The following SORBS2 variants were observed in gnomAD, a reference collection of about 807,000 sequenced individuals.
SORBS2 encodes the protein sorbin and SH3 domain containing 2.
Under a neutral mutation model 97.7 loss-of-function variants are expected in SORBS2, and 46 were observed. The ratio of observed to expected loss-of-function variants is 0.47; its 90% confidence interval spans 0.37 to 0.60. The LOEUF (loss-of-function observed/expected upper bound fraction) is 0.60, where lower values mean the gene tolerates loss of function less well. SORBS2 is among the 20% of genes least tolerant of loss of function. The pLI, the probability that SORBS2 is intolerant of heterozygous loss-of-function variation, is 0.00. For missense variants in SORBS2, 1,316 were observed against 1,282.3 expected, an observed-to-expected ratio of 1.03 and a Z score of -0.40; for synonymous variants, 476 against 473.4, an observed-to-expected ratio of 1.01 and a Z score of -0.07.
rs750023282 is a variant in SORBS2, at chr4:185,624,439, G to A, written c.690C>T (p.Gly230=). Residue 230 remains glycine, a synonymous_variant, in exon 7 of 15, where the codon GGC becomes GGT. Transcript: ENST00000418609. ...AGTAATCTAACTCACTGGAGGGGTT[G>A]CCGTTGAGCCCTGAGTAACTGCAAA... 3 of 1,613,914 alleles carry A rather than the reference G, an allele frequency of 1.9e-6. No individual in the cohort carries two copies. Among genetic ancestry groups the A allele is most frequent in the Admixed American group, 3.3e-5 (2 of 60,008 alleles).
chr4:185,586,503 T>C (rs1446558328), exon 15 of SORBS2: 2 of 152,594 alleles, frequency 1.3e-5, no homozygotes, highest in African/African-American at 4.8e-5. Context: ...ATAGTAAAAA[T>C]AATTGTAGTA....
chr4:185,677,274 T>C (rs2097801314), intron 4 of SORBS2: 1 of 1,551,970 alleles, frequency 6.4e-7, no homozygotes, highest in Non-Finnish European at 8.7e-7. Flanking sequence ...TCCTAGATCC[T>C]GGTTATGGGT....
intron 1 of SORBS2, among the ~76,000 whole-genome samples, chr4:185,938,389 TACACACACACACACACACACAC>T (rs34337257): frequency 7.3e-5 from 10 of 136,440 alleles, no homozygotes; most frequent in African/African-American, 2.5e-4. Flanking sequence ...TGTAGACACA[TACACACACACACACACACACAC>T]ACACACACAC....
intron 1 of SORBS2, among the ~76,000 whole-genome samples, chr4:185,851,618 G>A (rs1360119333): frequency 1.3e-5 from 2 of 152,134 alleles, no homozygotes; most frequent in Non-Finnish European, 2.9e-5. Context: ...TGAGGGTGTT[G>A]CCAAAGGAGA....
At chr4:185,729,701 C>T (rs1216778760) in intron 2 of SORBS2, among the ~76,000 whole-genome samples, 1 of 152,188 alleles carries the variant, frequency 6.6e-6, no homozygotes, top group Non-Finnish European at 1.5e-5. Flanking sequence ...AGTCTAATGA[C>T]TCAGATTCCA....
intron 12 of SORBS2, among the ~76,000 whole-genome samples, chr4:185,609,768 TTGTA>T (rs1481955671): frequency 6.6e-6 from 1 of 152,358 alleles, no homozygotes; most frequent in East Asian, 1.9e-4. Flanking sequence ...AGTTCTCTGT[TTGTA>T]AATATCAGTT....
chr4:185,654,482 T>C (rs2097364081), intron 1 of SORBS2, among the ~76,000 whole-genome samples: 1 of 152,208 alleles, frequency 6.6e-6, no homozygotes, highest in African/African-American at 2.4e-5. Context: ...GACAGGTTTT[T>C]TTTTCTTCAC....
At chr4:185,907,618 T>C (rs1012342852) in intron 1 of SORBS2, among the ~76,000 whole-genome samples, 5 of 152,224 alleles carry the variant, frequency 3.3e-5, no homozygotes, top group Non-Finnish European at 7.3e-5. Flanking sequence ...ATTATCCTTA[T>C]GTATAATGTG....
intron 1 of SORBS2, among the ~76,000 whole-genome samples, chr4:185,820,158 G>A (rs957871157): frequency 1.3e-5 from 2 of 152,178 alleles, no homozygotes; most frequent in African/African-American, 4.8e-5. Context: ...GCGTCAAAAA[G>A]CAACACAAAT....
chr4:185,813,803 G>A (rs113998512), intron 1 of SORBS2, among the ~76,000 whole-genome samples: 1,912 of 152,148 alleles, frequency 0.013, 30 homozygotes, highest in African/African-American at 0.044. Flanking sequence ...CCTCTTCTGC[G>A]ACTCCCCTGT....
At chr4:185,742,594 A>G (rs2098734203) in intron 2 of SORBS2, among the ~76,000 whole-genome samples, 1 of 152,202 alleles carries the variant, frequency 6.6e-6, no homozygotes, top group South Asian at 2.1e-4. Flanking sequence ...CCTAAACTAT[A>G]CATCATAGAG....
chr4:185,948,907 G>A (rs2099275866), intron 1 of SORBS2, among the ~76,000 whole-genome samples: 1 of 151,676 alleles, frequency 6.6e-6, no homozygotes, highest in African/African-American at 2.4e-5. Flanking sequence ...TAAGGTGAAA[G>A]GTGATCAATA....
intron 2 of SORBS2, among the ~76,000 whole-genome samples, chr4:185,738,385 G>A (rs2098701575): frequency 6.6e-6 from 1 of 152,136 alleles, no homozygotes; most frequent in South Asian, 2.1e-4. Flanking sequence ...GAAGTGTTGG[G>A]ATTCATAAAG....
At position 185,843,047 on chromosome 4, in the gene SORBS2, G is replaced by A. The variant is rs186335162; in HGVS notation, c.-337-67681C>T. Reference sequence around the variant, plus strand: ...GGACTGAATATGGAATTAGGAGTCCGTACATGGGTGACACTGGGTACACCA... The same window carrying A: ...GGACTGAATATGGAATTAGGAGTCCATACATGGGTGACACTGGGTACACCA... On this transcript the variant is annotated intron_variant, in intron 1 of 20. Transcript: ENST00000284776. Among the ~76,000 whole-genome samples, 273 of 152,138 alleles carry A rather than the reference G, an allele frequency of 1.8e-3. 1 individual carries two copies. Among genetic ancestry groups the A allele is most frequent in the African/African-American group, 2.5e-3 (105 of 41,496 alleles).
intron 2 of SORBS2, among the ~76,000 whole-genome samples, chr4:185,737,543 C>G (rs539379658): frequency 6.6e-6 from 1 of 152,254 alleles, no homozygotes; most frequent in East Asian, 1.9e-4. Context: ...ACTGTCTGGT[C>G]AAAACCTAGA....
chr4:185,766,967 A>C (rs2098937415), intron 2 of SORBS2, among the ~76,000 whole-genome samples: 1 of 152,102 alleles, frequency 6.6e-6, no homozygotes, highest in Non-Finnish European at 1.5e-5. Flanking sequence ...CTGGTCTTTA[A>C]AATTTTTTTT....
intron 1 of SORBS2, among the ~76,000 whole-genome samples, chr4:185,862,524 C>T (rs1009380822): frequency 1.3e-5 from 2 of 152,196 alleles, no homozygotes; most frequent in African/African-American, 2.4e-5. Context: ...ACACAAGGTC[C>T]ACTTAGATCC....
chr4:185,910,746 T>C (rs1231786881), intron 1 of SORBS2, among the ~76,000 whole-genome samples: 1 of 152,124 alleles, frequency 6.6e-6, no homozygotes, highest in Non-Finnish European at 1.5e-5. Context: ...TGACTGCAAC[T>C]TTTATTCTAT....
At chr4:185,709,167 C>T (rs11735969) in intron 2 of SORBS2, among the ~76,000 whole-genome samples, 2 of 152,188 alleles carry the variant, frequency 1.3e-5, no homozygotes, top group East Asian at 1.9e-4. Context: ...TACAGGCATG[C>T]ACCACCACAC....
Sources: allele counts gnomAD v4.1 joint callset (sites outside exome capture counted in the v4.1 genomes callset), GRCh38; gene constraint gnomAD v4.1.1; transcripts MANE v1.5; gene names NCBI Gene and HGNC (gene_info 2026-07-23, HGNC 2026-07-21).